PDCD1LG2: variants seen among roughly 807,000 people sequenced by gnomAD.
PDCD1LG2 encodes the protein programmed cell death 1 ligand 2.
A neutral mutation model predicts 28.2 loss-of-function variants in PDCD1LG2; 32 were observed. The ratio of observed to expected loss-of-function variants is 1.13; its 90% CI spans 0.86 to 1.52. The LOEUF is 1.52. Ranked by LOEUF, PDCD1LG2 falls within the 40% of genes most tolerant of loss-of-function variation. The pLI, the probability that PDCD1LG2 is intolerant of heterozygous loss-of-function variation, is 0.00. For missense variants in PDCD1LG2, 385 were observed against 323.8 expected, an observed-to-expected ratio of 1.19 and a Z score of -1.45; for synonymous variants, 116 against 120.2, an observed-to-expected ratio of 0.97 and a Z score of 0.23.
intron 5 of PDCD1LG2, among the ~76,000 whole-genome samples, chr9:5,561,126 G>C (rs1490141629): frequency 2.0e-5 from 3 of 152,136 alleles, no homozygotes; most frequent in Admixed American, 6.5e-5. Context: ...AGGTGAGTAT[G>C]CTAGATCTGC....
intron 1 of PDCD1LG2, among the ~76,000 whole-genome samples, chr9:5,513,442 G>T (rs1820098959): frequency 6.6e-6 from 1 of 152,176 alleles, no homozygotes. Flanking sequence ...TATTTTTCAT[G>T]TGTGAGAGTT....
intron 6 of PDCD1LG2, among the ~76,000 whole-genome samples, chr9:5,564,639 C>T (rs918163188): frequency 6.6e-6 from 1 of 152,204 alleles, no homozygotes; most frequent in East Asian, 1.9e-4. Flanking sequence ...TTTTCATCAT[C>T]ATCATGTCAT....
At chr9:5,546,701 C>A (rs1191645775) in intron 3 of PDCD1LG2, among the ~76,000 whole-genome samples, 2 of 152,140 alleles carry the variant, frequency 1.3e-5, no homozygotes, top group Non-Finnish European at 2.9e-5. Flanking sequence ...TATGGTGATT[C>A]CAATTAAGAA....
chr9:5,516,855 C>T (rs1340029153), intron 1 of PDCD1LG2, among the ~76,000 whole-genome samples: 2 of 152,194 alleles, frequency 1.3e-5, no homozygotes, highest in Non-Finnish European at 1.5e-5. Context: ...CAGGCACTTT[C>T]AACCTTGTGG....
chr9:5,513,750 C>T (rs1375581067), intron 1 of PDCD1LG2, among the ~76,000 whole-genome samples: 1 of 152,178 alleles, frequency 6.6e-6, no homozygotes, highest in Non-Finnish European at 1.5e-5. Flanking sequence ...AGAGTACTGG[C>T]TGTAAGATCC....
chr9:5,515,922 CAAAAAA>C (rs1204038026), intron 1 of PDCD1LG2, among the ~76,000 whole-genome samples: 52 of 30,298 alleles, frequency 1.7e-3, no homozygotes, highest in African/African-American at 2.2e-3. Context: ...GACTCCATCT[CAAAAAA>C]AAAAAAAAAA....
chr9:5,564,308 T>C (rs913984975), intron 6 of PDCD1LG2, among the ~76,000 whole-genome samples: 1 of 152,206 alleles, frequency 6.6e-6, no homozygotes, highest in African/African-American at 2.4e-5. Flanking sequence ...CCTCTCAAAC[T>C]TTCAGCAACA....
chr9:5,556,297 T>C (rs1446976843), intron 4 of PDCD1LG2, among the ~76,000 whole-genome samples: 4 of 152,214 alleles, frequency 2.6e-5, no homozygotes, highest in Non-Finnish European at 5.9e-5. Context: ...ACAAAGTGCT[T>C]ACTAAGCACT....
chr9:5,521,237 C>T (rs1200103671), intron 1 of PDCD1LG2, among the ~76,000 whole-genome samples: 2 of 152,100 alleles, frequency 1.3e-5, no homozygotes, highest in Non-Finnish European at 2.9e-5. Context: ...TAGGAAGTTT[C>T]TGCTAATGGG....
At chr9:5,560,264 C>T (rs191290292) in intron 5 of PDCD1LG2, among the ~76,000 whole-genome samples, 42 of 152,298 alleles carry the variant, frequency 2.8e-4, no homozygotes, top group Non-Finnish European at 1.0e-4. Flanking sequence ...TCAGTGTCTC[C>T]CTCTTATAGC....
In PDCD1LG2 at chr9:5,530,487, A is replaced by C. The variant is rs373585487; in HGVS notation, c.56-4258A>C. Among the ~76,000 whole-genome samples the C allele has an allele frequency of 6.4e-3, 970 of 151,862 alleles. 11 individuals carry two copies. Among genetic ancestry groups the C allele is most frequent in the African/African-American group, 0.023 (930 of 41,156 alleles). ...TTAGCATACAGCAAAAAAAAAAAAA[A>C]AACTCACTCATGGATGTAGTGTACA... On this transcript the variant is annotated intron_variant, in intron 2 of 6. Coordinates refer to ENST00000397747, the MANE Select transcript of PDCD1LG2 (RefSeq NM_025239.4).
rs146333130 is a variant in PDCD1LG2 at position 5,549,451 on chromosome 9, G to A, written c.478G>A (p.Val160Ile). Reference sequence around the variant, plus strand: ...AGAAGTATCCTGGCCAAACGTCAGCGTTCCTGCCAACACCAGCCACTCCAG... The same window carrying A: ...AGAAGTATCCTGGCCAAACGTCAGCATTCCTGCCAACACCAGCCACTCCAG... ...LAEVSWPNVS[V>I]PANTSHSRTP... The change falls in exon 4 of 7, where the codon GTT (valine) becomes ATT (isoleucine). Residue 160 changes from valine to isoleucine, a missense_variant. Val to Ile is a conservative substitution (Grantham distance 29, BLOSUM62 3). Transcript: ENST00000397747. 2.5e-4 allele frequency: 410 copies of A among 1,614,128 alleles called. No individual in the cohort carries two copies. The highest frequency in any genetic ancestry group is 2.4e-3 in the African/African-American group (181 of 75,036).
chr9:5,566,765 C>G (rs757158735), intron 6 of PDCD1LG2, among the ~76,000 whole-genome samples: 1 of 152,082 alleles, frequency 6.6e-6, no homozygotes, highest in African/African-American at 2.4e-5. Context: ...ATAGACCCTA[C>G]GTTGCCATTT....
chr9:5,555,105 A>G (rs552281657), intron 4 of PDCD1LG2, among the ~76,000 whole-genome samples: 1 of 152,304 alleles, frequency 6.6e-6, no homozygotes, highest in South Asian at 2.1e-4. Flanking sequence ...TTGCATCATT[A>G]TATCATTGCT....
chr9:5,549,132 C>T (rs1213958762), intron 3 of PDCD1LG2, among the ~76,000 whole-genome samples: 1 of 152,136 alleles, frequency 6.6e-6, no homozygotes, highest in Non-Finnish European at 1.5e-5. Context: ...ACAATGCCAT[C>T]TTTATTGCAT....
rs146192984 is a variant in PDCD1LG2, at chr9:5,534,898, G to A, written c.209G>A (p.Arg70His). 163 of 1,614,012 alleles carry A rather than the reference G, an allele frequency of 1.0e-4. No homozygotes were observed. The highest frequency in any genetic ancestry group is 1.6e-4 in the Middle Eastern group (1 of 6,084). ...QKVENDTSPH[R>H]ERATLLEEQL... ...GTGGAAAATGATACATCCCCACACC[G>A]TGAAAGAGCCACTTTGCTGGAGGAG... Residue 70 changes from arginine (R) to histidine (H), a missense_variant, in exon 3 of 7, where the codon CGT becomes CAT. Transcript: ENST00000397747.
At chr9:5,556,030 T>C (rs2129911852) in intron 4 of PDCD1LG2, among the ~76,000 whole-genome samples, 1 of 152,370 alleles carries the variant, frequency 6.6e-6, no homozygotes, top group African/African-American at 2.4e-5. Flanking sequence ...ATTGGCACTT[T>C]TCATGTAGCT....
chr9:5,552,453 G>A (rs1020479054), intron 4 of PDCD1LG2, among the ~76,000 whole-genome samples: 1 of 152,142 alleles, frequency 6.6e-6, no homozygotes, highest in African/African-American at 2.4e-5. Flanking sequence ...CTATACGTGA[G>A]TCATTAGAAG....
In PDCD1LG2 at chr9:5,557,611, T is replaced by C. The variant is rs148216930; in HGVS notation, c.632-7T>C. The stretch of plus-strand genomic sequence containing the variant: ...TAACAGGATTCTGGTGCTTTTCCTT[T>C]GCCCAGGTCAGATGGAACCCAGGAC... On this transcript the variant is annotated splice_region_variant and splice_polypyrimidine_tract_variant and intron_variant, in intron 4 of 6. Coordinates refer to ENST00000397747, the MANE Select transcript of PDCD1LG2 (RefSeq NM_025239.4). The C allele has an allele frequency of 8.9e-5, 144 of 1,613,856 alleles. 2 individuals carry two copies. The African/African-American group carries it at 1.7e-3, about 19-fold the overall frequency.
Sources: allele counts gnomAD v4.1 joint callset (sites outside exome capture counted in the v4.1 genomes callset), GRCh38; gene constraint gnomAD v4.1.1; transcripts MANE v1.5; gene names NCBI Gene and HGNC (gene_info 2026-07-23, HGNC 2026-07-21).